The following OR9Q1 variants were observed in gnomAD, a reference collection of about 807,000 sequenced individuals.
OR9Q1 encodes olfactory receptor family 9 subfamily Q member 1, also known as olfactory receptor 9Q1.
For synonymous variants in OR9Q1, 153 were observed against 148.6 expected (o/e 1.03, Z -0.22); for missense variants, 374 against 378.8 (o/e 0.99, Z 0.11).
chr11:58,180,839 C>T lies in OR9Q1; in HGVS notation c.*462C>T. On this transcript the variant is annotated 3_prime_UTR_variant, in exon 3 of 3. Transcript: ENST00000335397. ...CCGTGAGTTTATTCATCAATCAATTCACTCATCAAACCACCTTTTTTTGAT... is the reference window on the plus strand; with the variant it reads ...CCGTGAGTTTATTCATCAATCAATTTACTCATCAAACCACCTTTTTTTGAT... The T allele has an allele frequency of 6.0e-6, 1 of 168,048 alleles. No individual in the cohort carries two copies. The highest frequency in any genetic ancestry group is 1.9e-4 in the East Asian group (1 of 5,208). 10.4% of individuals were successfully genotyped at this position (168,048 alleles called of 1,614,324 possible).
chr11:58,156,238 C>T (rs73482635), intron 2 of OR9Q1, among the ~76,000 whole-genome samples: 7,355 of 152,158 alleles, frequency 0.048, 599 homozygotes, highest in African/African-American at 0.17. Context: ...TTGTGCATTT[C>T]TTGATGCTTC....
chr11:58,169,935 G>A (rs1854539274), intron 2 of OR9Q1, among the ~76,000 whole-genome samples: 1 of 151,694 alleles, frequency 6.6e-6, no homozygotes, highest in Non-Finnish European at 1.5e-5. Context: ...TCTTTTAAGA[G>A]ACATACAGTC....
At chr11:58,075,090 A>G (rs1853526832) in intron 2 of OR9Q1, among the ~76,000 whole-genome samples, 2 of 151,930 alleles carry the variant, frequency 1.3e-5, no homozygotes, top group Admixed American at 1.3e-4. Flanking sequence ...GCTCTACGGG[A>G]TATTTTTTGC....
chr11:58,037,690 T>TA (rs1232679301), intron 1 of OR9Q1, among the ~76,000 whole-genome samples: 26 of 9,350 alleles, frequency 2.8e-3, no homozygotes, highest in African/African-American at 8.4e-3. Context: ...TATATATATA[T>TA]TTTTTTTTTT....
At chr11:58,041,652 G>A (rs1423517448) in intron 1 of OR9Q1, 1 of 152,318 alleles carries the variant, frequency 6.6e-6, no homozygotes, top group Non-Finnish European at 1.5e-5. Flanking sequence ...GCCACTGGTT[G>A]TCAGAGCACT....
At chr11:58,104,760 T>C (rs1332522170) in intron 2 of OR9Q1, among the ~76,000 whole-genome samples, 2 of 152,144 alleles carry the variant, frequency 1.3e-5, no homozygotes, top group Non-Finnish European at 2.9e-5. Flanking sequence ...AATTTGTAGT[T>C]TTTTATCCTC....
At chr11:58,153,528 C>T (rs1854374573) in intron 2 of OR9Q1, among the ~76,000 whole-genome samples, 1 of 151,458 alleles carries the variant, frequency 6.6e-6, no homozygotes, top group Non-Finnish European at 1.5e-5. Context: ...TCAGCTCTAA[C>T]CAAGAGATGC....
intron 1 of OR9Q1, among the ~76,000 whole-genome samples, chr11:58,048,696 T>TATATATATATATACATA (rs35079058): frequency 7.8e-6 from 1 of 127,660 alleles, no homozygotes; most frequent in East Asian, 2.6e-4. Flanking sequence ...ATATATATAT[T>TATATATATATATACATA]TTTTAGCAAG....
intron 2 of OR9Q1, among the ~76,000 whole-genome samples, chr11:58,058,147 C>T (rs1853345042): frequency 1.3e-5 from 2 of 152,198 alleles, no homozygotes; most frequent in South Asian, 2.1e-4. Context: ...AGCCTGGCTT[C>T]CCATGCATTG....
At chr11:58,074,092 A>G (rs191744505) in intron 2 of OR9Q1, among the ~76,000 whole-genome samples, 91 of 152,222 alleles carry the variant, frequency 6.0e-4, no homozygotes, top group Admixed American at 2.2e-3. Flanking sequence ...TTGTGTTGCA[A>G]TAGTCTTTGC....
chr11:58,041,419 G>A (rs1853161337), intron 1 of OR9Q1: 1 of 153,494 alleles, frequency 6.5e-6, no homozygotes, highest in African/African-American at 2.4e-5. Context: ...GAACATGAAG[G>A]GGCAGAGGAA....
At chr11:58,164,041 G>A (rs909846846) in intron 2 of OR9Q1, among the ~76,000 whole-genome samples, 1 of 152,104 alleles carries the variant, frequency 6.6e-6, no homozygotes, top group Non-Finnish European at 1.5e-5. Flanking sequence ...GACCCACACT[G>A]GCCACGGATT....
chr11:58,165,419 T>C (rs1854491539), intron 2 of OR9Q1, among the ~76,000 whole-genome samples: 1 of 152,188 alleles, frequency 6.6e-6, no homozygotes, highest in Non-Finnish European at 1.5e-5. Context: ...GGCAACAGTC[T>C]CTCCCACATT....
intron 2 of OR9Q1, among the ~76,000 whole-genome samples, chr11:58,158,572 T>C (rs769714344): frequency 2.0e-5 from 3 of 152,114 alleles, no homozygotes; most frequent in Admixed American, 6.6e-5. Context: ...TTACCATAAG[T>C]CTCTTGAATG....
At chr11:58,131,505 T>A (rs1311967230) in intron 2 of OR9Q1, among the ~76,000 whole-genome samples, 1 of 152,000 alleles carries the variant, frequency 6.6e-6, no homozygotes, top group Non-Finnish European at 1.5e-5. Flanking sequence ...GTGTCTTATA[T>A]AATATTTATA....
At chr11:58,069,902 A>ACC (rs377048350) in intron 2 of OR9Q1, among the ~76,000 whole-genome samples, 16 of 151,800 alleles carry the variant, frequency 1.1e-4, no homozygotes, top group African/African-American at 3.6e-4. Context: ...ACCAAACCAA[A>ACC]ACAAAACAAA....
At chr11:58,165,184 G>A (rs1174298243) in intron 2 of OR9Q1, among the ~76,000 whole-genome samples, 1 of 152,206 alleles carries the variant, frequency 6.6e-6, no homozygotes, top group African/African-American at 2.4e-5. Flanking sequence ...AAGATAATAA[G>A]TGCCCAGTGA....
At chr11:58,050,777 A>T (rs1220349041) in intron 1 of OR9Q1, among the ~76,000 whole-genome samples, 1 of 85,586 alleles carries the variant, frequency 1.2e-5, no homozygotes, top group Non-Finnish European at 2.4e-5. Context: ...CCCCATCAAA[A>T]AGTGGGTGAA....
chr11:58,031,764 C>A (rs993589836), intron 1 of OR9Q1: 2 of 1,614,044 alleles, frequency 1.2e-6, no homozygotes, highest in Middle Eastern at 1.6e-4. Flanking sequence ...GTGACCTCCT[C>A]CATCAACTTC....
Sources: allele counts gnomAD v4.1 joint callset (sites outside exome capture counted in the v4.1 genomes callset), GRCh38; gene constraint gnomAD v4.1.1; transcripts MANE v1.5; gene names NCBI Gene and HGNC (gene_info 2026-07-23, HGNC 2026-07-21).